The following L3MBTL4 variants were observed in gnomAD, a reference collection of about 807,000 sequenced individuals.
L3MBTL4 encodes L3MBTL histone methyl-lysine binding protein 4.
L3MBTL4 carries 70 observed loss-of-function variants against 84.5 expected under a neutral mutation model. That is an observed-to-expected ratio of 0.83 (90% CI 0.68 to 1.01). L3MBTL4 has a LOEUF of 1.01. Ranked by LOEUF, L3MBTL4 falls within the 50% of genes least tolerant of loss-of-function variation. The pLI is 0.00. For missense variants in L3MBTL4, 715 were observed against 754.8 expected (o/e 0.95, Z 0.62); for synonymous variants, 274 against 259.8 (o/e 1.05, Z -0.52).
At chr18:6,373,194 A>G (rs754091047) in intron 1 of L3MBTL4, among the ~76,000 whole-genome samples, 1 of 152,188 alleles carries the variant, frequency 6.6e-6, no homozygotes, top group African/African-American at 2.4e-5. Flanking sequence ...GAAGCTATCC[A>G]GTTTGCGCAT....
intron 13 of L3MBTL4, among the ~76,000 whole-genome samples, chr18:6,140,430 T>C (rs1378010892): frequency 6.6e-6 from 1 of 152,018 alleles, no homozygotes; most frequent in Admixed American, 6.5e-5. Context: ...ATAACTAAGT[T>C]CTCCTGGGAA....
chr18:5,978,281 T>G (rs553137036), intron 16 of L3MBTL4, among the ~76,000 whole-genome samples: 22 of 152,328 alleles, frequency 1.4e-4, no homozygotes, highest in African/African-American at 5.3e-4. Flanking sequence ...TGGGGTCATC[T>G]TCACAAAAGT....
In L3MBTL4 at chr18:6,016,689, G is replaced by C. The variant is rs575432940; in HGVS notation, c.1445-47127C>G. On this transcript the variant is annotated intron_variant, in intron 16 of 18. Transcript: ENST00000317931. ...ACCACTCTGCATGCTTGGCAAACAG[G>C]TGATTTAACTAATAGCATGATTTGC... is the stretch of plus-strand genomic sequence containing the variant. Among the ~76,000 whole-genome samples, 7 of 152,298 alleles carry C rather than the reference G, an allele frequency of 4.6e-5. No individual in the cohort carries two copies. The South Asian group carries it at 1.2e-3, about 27-fold the overall frequency.
intron 16 of L3MBTL4, among the ~76,000 whole-genome samples, chr18:6,060,800 T>C (rs1598602573): frequency 1.3e-5 from 2 of 152,188 alleles, no homozygotes; most frequent in South Asian, 4.1e-4. Flanking sequence ...CTTAGCAATA[T>C]GCAATTAAGG....
At chr18:6,010,430 A>G (rs1382970147) in intron 16 of L3MBTL4, among the ~76,000 whole-genome samples, 1 of 152,180 alleles carries the variant, frequency 6.6e-6, no homozygotes, top group Admixed American at 6.5e-5. Flanking sequence ...TGATGACTCA[A>G]CTTATTAAAA....
chr18:6,348,963 G>GT (rs1448134551), intron 1 of L3MBTL4, among the ~76,000 whole-genome samples: 2 of 152,182 alleles, frequency 1.3e-5, no homozygotes, highest in African/African-American at 4.8e-5. Flanking sequence ...CTTAACTTCA[G>GT]TTTTCAACAG....
Position 5,969,573 on chromosome 18 carries a change from GGT to G in L3MBTL4, c.1445-13_1445-12del. ...GCTCCACCGAGTATTCTGTAAGAGA[GGT>G]GGGGTGGGGTGAGGCTCAGGCTCCC... On this transcript the variant is annotated splice_polypyrimidine_tract_variant and intron_variant, in intron 16 of 18. Transcript: ENST00000317931. The G allele has an allele frequency of 6.3e-7, 1 of 1,578,152 alleles. No homozygotes were observed. Among genetic ancestry groups the G allele is most frequent in the Non-Finnish European group, 8.6e-7 (1 of 1,158,822 alleles).
chr18:5,966,875 A>G (rs557639), intron 17 of L3MBTL4, among the ~76,000 whole-genome samples: 97,836 of 152,034 alleles, frequency 0.64, 34,131 homozygotes, highest in East Asian at 0.94. Context: ...GGCATTTGGC[A>G]CGTCTCACTT....
chr18:6,128,582 A>G (rs933156011), intron 14 of L3MBTL4, among the ~76,000 whole-genome samples: 1 of 152,184 alleles, frequency 6.6e-6, no homozygotes, highest in African/African-American at 2.4e-5. Flanking sequence ...AACGGTAAAC[A>G]TAACATGGAA....
rs539074138 is a variant in L3MBTL4 at position 6,290,466 on chromosome 18, T to C, written c.127+11437A>G. On this transcript the variant is annotated intron_variant, in intron 4 of 18. Coordinates refer to ENST00000317931, the MANE Select transcript of L3MBTL4 (RefSeq NM_001330559.2). Reference sequence around the variant, plus strand: ...GTATTGCTTTTCACAGCTTTTTGATTATCACTATGGCTACATGAATGACTT... The same window carrying C: ...GTATTGCTTTTCACAGCTTTTTGATCATCACTATGGCTACATGAATGACTT... 5.3e-5 allele frequency among the ~76,000 whole-genome samples: 8 copies of C among 152,268 alleles called. No homozygotes were observed. In the East Asian group the frequency reaches 1.5e-3, roughly 29 times the overall value.
intron 14 of L3MBTL4, among the ~76,000 whole-genome samples, chr18:6,124,176 GA>G (rs1383861926): frequency 6.6e-6 from 1 of 152,122 alleles, no homozygotes; most frequent in Non-Finnish European, 1.5e-5. Context: ...ACAGGACGAA[GA>G]ATGGAAAATG....
At chr18:6,272,304 G>A (rs2048909972) in intron 4 of L3MBTL4, among the ~76,000 whole-genome samples, 1 of 152,090 alleles carries the variant, frequency 6.6e-6, no homozygotes, top group Non-Finnish European at 1.5e-5. Flanking sequence ...AAGATGGGAG[G>A]GCACCCTACC....
chr18:6,343,416 C>T (rs2052708417), intron 1 of L3MBTL4, among the ~76,000 whole-genome samples: 1 of 152,126 alleles, frequency 6.6e-6, no homozygotes, highest in South Asian at 2.1e-4. Flanking sequence ...GTAATCCCAG[C>T]ACTCTGGGAG....
chr18:6,210,836 C>T (rs1032823336), intron 12 of L3MBTL4, among the ~76,000 whole-genome samples: 1 of 152,156 alleles, frequency 6.6e-6, no homozygotes, highest in Non-Finnish European at 1.5e-5. Context: ...TGTCCATCTA[C>T]TGATGACAAT....
intron 16 of L3MBTL4, among the ~76,000 whole-genome samples, chr18:6,025,729 G>C (rs1487088650): frequency 6.6e-6 from 1 of 152,188 alleles, no homozygotes; most frequent in Admixed American, 6.5e-5. Context: ...TTAGGCATTA[G>C]AGTCCCATAT....
intron 12 of L3MBTL4, among the ~76,000 whole-genome samples, chr18:6,192,925 G>A (rs2045188884): frequency 6.6e-6 from 1 of 151,842 alleles, no homozygotes; most frequent in Admixed American, 6.6e-5. Context: ...GCCGTGTAAA[G>A]AGAAAAAAAG....
chr18:6,190,211 T>A (rs1022927661), intron 12 of L3MBTL4, among the ~76,000 whole-genome samples: 1 of 152,176 alleles, frequency 6.6e-6, no homozygotes, highest in Non-Finnish European at 1.5e-5. Flanking sequence ...ATGACTCCAT[T>A]AATAAGAACA....
intron 1 of L3MBTL4, among the ~76,000 whole-genome samples, chr18:6,319,552 A>G (rs549555743): frequency 4.7e-4 from 71 of 152,238 alleles, no homozygotes; most frequent in Admixed American, 4.4e-3. Flanking sequence ...AAATTCCTAG[A>G]AACATACACC....
chr18:6,156,993 G>A (rs1167010235), intron 13 of L3MBTL4, among the ~76,000 whole-genome samples: 1 of 152,162 alleles, frequency 6.6e-6, no homozygotes, highest in Non-Finnish European at 1.5e-5. Context: ...ACCTCCAGAA[G>A]GTAGAGACGC....
Sources: gnomAD v4.1 joint callset for allele counts (sites outside exome capture counted in the v4.1 genomes callset) on GRCh38, gnomAD v4.1.1 for gene constraint, MANE v1.5 for transcripts, NCBI Gene and HGNC (gene_info 2026-07-23, HGNC 2026-07-21) for gene names.